Variants in PLCL1 observed in about 807,000 individuals in gnomAD.
PLCL1 encodes the protein phospholipase C like 1 (inactive).
In PLCL1, 41 loss-of-function variants were observed where a neutral mutation model predicts 84.4. The ratio of observed to expected loss-of-function variants is 0.49; its 90% CI spans 0.38 to 0.63. The LOEUF (loss-of-function observed/expected upper bound fraction) is 0.63. PLCL1 is among the 30% of genes least tolerant of loss of function. PLCL1 has a pLI of 0.00. For synonymous variants in PLCL1, 490 were observed against 488.3 expected, an observed-to-expected ratio of 1.00 and a Z score of -0.05; for missense variants, 1,206 against 1,367.8, an observed-to-expected ratio of 0.88 and a Z score of 1.87.
At chr2:198,017,186 C>A (rs1691018400) in intron 1 of PLCL1, among the ~76,000 whole-genome samples, 1 of 152,138 alleles carries the variant, frequency 6.6e-6, no homozygotes, top group African/African-American at 2.4e-5. Context: ...ATTTAACATG[C>A]TCCAAAAACA....
intron 1 of PLCL1, among the ~76,000 whole-genome samples, chr2:197,945,878 A>G (rs1038122352): frequency 7.2e-5 from 11 of 152,186 alleles, no homozygotes; most frequent in Admixed American, 6.5e-4. Context: ...TTATATTAAT[A>G]CACTTTAATA....
chr2:197,838,046 G>A (rs949765125), intron 1 of PLCL1, among the ~76,000 whole-genome samples: 1 of 152,052 alleles, frequency 6.6e-6, no homozygotes, highest in East Asian at 1.9e-4. Flanking sequence ...GGTGTATAAA[G>A]TTTCTTTCCT....
intron 1 of PLCL1, among the ~76,000 whole-genome samples, chr2:197,959,224 T>G (rs1038113332): frequency 1.3e-5 from 2 of 152,046 alleles, no homozygotes; most frequent in Non-Finnish European, 2.9e-5. Context: ...TTATGGATGT[T>G]GGTGAGTTCA....
rs190818489 is a variant in PLCL1 at position 198,019,265 on chromosome 2, T to C, written c.241-64493T>C. On this transcript the variant is annotated intron_variant, in intron 1 of 5. Transcript: ENST00000428675. ...CAAAGACCAAAGGTAGATAAATCCA[T>C]GAAGATGAGGAAAATCCAGCATAAA... Among the ~76,000 whole-genome samples the C allele has an allele frequency of 2.5e-3, 385 of 152,166 alleles. 1 individual carries two copies. Among genetic ancestry groups the C allele is most frequent in the African/African-American group, 8.9e-3 (370 of 41,526 alleles).
intron 1 of PLCL1, among the ~76,000 whole-genome samples, chr2:198,074,094 A>G (rs1236945479): frequency 1.3e-5 from 2 of 152,182 alleles, no homozygotes; most frequent in Non-Finnish European, 2.9e-5. Context: ...AAATACCACT[A>G]GTCGTTATAT....
At chr2:198,089,249 A>T (rs999637786) in intron 3 of PLCL1, among the ~76,000 whole-genome samples, 188 bp downstream of exon 3, 5 of 152,162 alleles carry the variant, frequency 3.3e-5, no homozygotes, top group African/African-American at 1.2e-4. Flanking sequence ...TGAGAAAATG[A>T]CTTGAACCTG....
At chr2:197,891,138 A>T (rs1188970747) in intron 1 of PLCL1, among the ~76,000 whole-genome samples, 1 of 152,010 alleles carries the variant, frequency 6.6e-6, no homozygotes, top group Non-Finnish European at 1.5e-5. Context: ...AGATACAGAG[A>T]TACATAGCAT....
At position 198,052,546 on chromosome 2, in the gene PLCL1, C is replaced by T. The variant is rs534404179; in HGVS notation, c.241-31212C>T. Among the ~76,000 whole-genome samples the T allele has an allele frequency of 5.9e-5, 9 of 151,762 alleles. No individual in the cohort carries two copies. In the South Asian group the frequency reaches 1.9e-3, roughly 32 times the overall value. ...GGTTGAAAAAAAAAAAAACCATTAC[C>T]TTACACTAATTGACATAAATTTTGG... is the stretch of plus-strand genomic sequence containing the variant. On this transcript the variant is annotated intron_variant, in intron 1 of 5. Coordinates refer to ENST00000428675, the MANE Select transcript of PLCL1 (RefSeq NM_006226.4).
chr2:198,141,181 C>G (rs1293529188), intron 5 of PLCL1, among the ~76,000 whole-genome samples: 2 of 152,110 alleles, frequency 1.3e-5, no homozygotes, highest in Non-Finnish European at 2.9e-5. Context: ...AAAAATTTAA[C>G]TTTTTAAATA....
intron 1 of PLCL1, among the ~76,000 whole-genome samples, chr2:197,877,194 A>G (rs1366101178): frequency 6.6e-6 from 1 of 152,112 alleles, no homozygotes; most frequent in Non-Finnish European, 1.5e-5. Flanking sequence ...GACATCCACT[A>G]AGGTGGTTCT....
rs572807575 is a variant in PLCL1 at position 197,814,504 on chromosome 2, G to A, written c.240+9165G>A. Among the ~76,000 whole-genome samples, 13 of 152,166 alleles carry A rather than the reference G, an allele frequency of 8.5e-5. No individual in the cohort carries two copies. In the East Asian group the frequency reaches 2.5e-3, roughly 29 times the overall value. On this transcript the variant is annotated intron_variant, in intron 1 of 5. Transcript: ENST00000428675. ...CCTCTCCTTGGGCCTCCTACTCTTT[G>A]AGACACAACAATATTGAAATTAGTT... is the stretch of plus-strand genomic sequence containing the variant.
rs1187496298 is a variant in PLCL1 at position 197,923,478 on chromosome 2, C to T, written c.240+118139C>T. ...GCAGAGACGCTCCTCACCTCCCAGA[C>T]GGGGTCTCGGCCGGGCAGAGGCGCT... On this transcript the variant is annotated intron_variant, in intron 1 of 5. Transcript: ENST00000428675. Among the ~76,000 whole-genome samples, 18 of 143,354 alleles carry T rather than the reference C, an allele frequency of 1.3e-4. No individual in the cohort carries two copies. In the South Asian group the frequency reaches 1.9e-3, roughly 15 times the overall value. 94.0% of individuals were successfully genotyped at this position (143,354 alleles called of 152,430 possible). A position where few individuals can be genotyped will look rare whatever the true frequency, so the allele number is the denominator to read the frequency against.
rs72103336 is a variant in PLCL1, at chr2:198,105,601, G to GGTGTGTGTGTGTGT, written c.3105+1690_3105+1703dup. Among the ~76,000 whole-genome samples, 860 of 143,810 alleles carry GGTGTGTGTGTGTGT rather than the reference G, an allele frequency of 6.0e-3. 8 individuals are homozygous for GGTGTGTGTGTGTGT. The highest frequency in any genetic ancestry group is 0.011 in the Admixed American group (162 of 14,306). 94.3% of individuals were successfully genotyped at this position (143,810 alleles called of 152,430 possible). ...GCCCATGTGTGAGATTAATTTGCCTGGTGTGTGTGTGTGTGTGTGTGTGTG... is the reference window on the plus strand; with the variant it reads ...GCCCATGTGTGAGATTAATTTGCCTGGTGTGTGTGTGTGTGTGTGTGTGTGTGTGTGTGTGTGTG... On this transcript the variant is annotated intron_variant, in intron 5 of 5. Transcript: ENST00000428675.
chr2:197,843,280 C>T (rs41475150), intron 1 of PLCL1, among the ~76,000 whole-genome samples: 1,818 of 152,234 alleles, frequency 0.012, 34 homozygotes, highest in African/African-American at 0.041. Flanking sequence ...CATTGCCCAG[C>T]GTTTGCCACA....
chr2:198,079,589 A>G (rs911014516), intron 1 of PLCL1, among the ~76,000 whole-genome samples: 1 of 152,088 alleles, frequency 6.6e-6, no homozygotes, highest in African/African-American at 2.4e-5. Context: ...GTATTTGTCT[A>G]TTGCTTTACT....
At chr2:197,850,029 CAG>C (rs1230237128) in intron 1 of PLCL1, among the ~76,000 whole-genome samples, 13 of 122,102 alleles carry the variant, frequency 1.1e-4, no homozygotes, top group South Asian at 5.4e-4. Flanking sequence ...CAGACACACA[CAG>C]ACACACACAC....
At chr2:197,936,935 A>G (rs1307449462) in intron 1 of PLCL1, among the ~76,000 whole-genome samples, 1 of 152,130 alleles carries the variant, frequency 6.6e-6, no homozygotes, top group Non-Finnish European at 1.5e-5. Flanking sequence ...TAAGTCTTCA[A>G]TCTGCTTTGA....
chr2:198,068,269 A>C (rs1692365668), intron 1 of PLCL1, among the ~76,000 whole-genome samples: 1 of 152,222 alleles, frequency 6.6e-6, no homozygotes, highest in South Asian at 2.1e-4. Flanking sequence ...GTTCTACAGA[A>C]ATAAATGACT....
intron 1 of PLCL1, among the ~76,000 whole-genome samples, chr2:197,900,764 T>C (rs563295921): frequency 1.3e-5 from 2 of 152,350 alleles, no homozygotes; most frequent in Non-Finnish European, 2.9e-5. Context: ...AATAATGTTT[T>C]TTCAAAACAA....
Sources: allele counts gnomAD v4.1 joint callset (sites outside exome capture counted in the v4.1 genomes callset), GRCh38; gene constraint gnomAD v4.1.1; transcripts MANE v1.5; gene names NCBI Gene and HGNC (gene_info 2026-07-23, HGNC 2026-07-21).